Variants in KIAA1328 observed in about 807,000 individuals in gnomAD.
KIAA1328 encodes protein hinderin.
Under a neutral mutation model 68.1 loss-of-function variants are expected in KIAA1328, and 52 were observed. That is an observed-to-expected ratio of 0.76 (90% CI 0.61 to 0.96). The LOEUF (loss-of-function observed/expected upper bound fraction) is 0.96, where lower values mean the gene tolerates loss of function less well. KIAA1328 is among the 40% of genes least tolerant of loss of function. KIAA1328 has a pLI of 0.00. For synonymous variants in KIAA1328, 232 were observed against 239.4 expected (o/e 0.97, Z 0.28); for missense variants, 641 against 677.6 (o/e 0.95, Z 0.60).
chr18:37,006,542 A>T (rs2053791082), intron 6 of KIAA1328, among the ~76,000 whole-genome samples: 1 of 151,866 alleles, frequency 6.6e-6, no homozygotes, highest in South Asian at 2.1e-4. Flanking sequence ...TTTTATTATT[A>T]TACTTTAAGT....
At chr18:37,022,918 T>C (rs1345346474) in intron 6 of KIAA1328, among the ~76,000 whole-genome samples, 2 of 152,156 alleles carry the variant, frequency 1.3e-5, no homozygotes, top group African/African-American at 4.8e-5. Context: ...CTCAGGAAAA[T>C]AATTTGAGTA....
At chr18:37,117,689 C>G (rs1006015170) in intron 7 of KIAA1328, among the ~76,000 whole-genome samples, 1 of 152,016 alleles carries the variant, frequency 6.6e-6, no homozygotes, top group African/African-American at 2.4e-5. Context: ...GATGATACAA[C>G]TATCCTGTAT....
Position 37,223,452 on chromosome 18 carries a change from G to A in KIAA1328, c.*1225G>A. The A allele has an allele frequency of 1.0e-6, 1 of 985,424 alleles. No individual in the cohort carries two copies. The highest frequency in any genetic ancestry group is 1.2e-6 in the Non-Finnish European group (1 of 829,946). The allele number at this position is 985,424 out of a possible 1,614,324, so 61.0% of individuals were successfully genotyped here. On this transcript the variant is annotated 3_prime_UTR_variant, in exon 10 of 10. Coordinates refer to ENST00000280020, the MANE Select transcript of KIAA1328 (RefSeq NM_020776.3). ...AGTAGCCTCTCAAGCTAATGGGGAT[G>A]ATGATCCTGGTTTAGCCAGAGTTCA...
chr18:37,173,013 TA>T lies in KIAA1328; in HGVS notation c.1456del (p.Met486CysfsTer6). 1 of 1,613,740 alleles carries T rather than the reference TA, an allele frequency of 6.2e-7. No individual in the cohort carries two copies. Among genetic ancestry groups the T allele is most frequent in the South Asian group, 1.1e-5 (1 of 91,068 alleles). ...TTAGAAAAGATGCGTCTACATCTCCTATGCCAACAGGAAGCCTAAAGGATTT... is the reference window on the plus strand; with the variant it reads ...TTAGAAAAGATGCGTCTACATCTCCTTGCCAACAGGAAGCCTAAAGGATTT... Reference protein sequence around the residue: ...GVRKDASTSPMPTGSLKDFVT... With the variant: ...GVRKDASTSPXPTGSLKDFVT... On this transcript the variant is annotated frameshift_variant, in exon 9 of 10. Transcript: ENST00000280020. LOFTEE classifies it high-confidence loss of function.
chr18:37,204,143 T>G (rs2060170539), intron 9 of KIAA1328, among the ~76,000 whole-genome samples: 1 of 152,124 alleles, frequency 6.6e-6, no homozygotes, highest in South Asian at 2.1e-4. Context: ...CTTTAAGACA[T>G]AAGCTCACAG....
At chr18:37,192,861 G>A (rs2059932009) in intron 9 of KIAA1328, among the ~76,000 whole-genome samples, 1 of 152,204 alleles carries the variant, frequency 6.6e-6, no homozygotes, top group Non-Finnish European at 1.5e-5. Flanking sequence ...GTACAGGCAT[G>A]GGGATCAAAG....
At chr18:36,907,020 C>T (rs1039978869) in intron 5 of KIAA1328, among the ~76,000 whole-genome samples, 1 of 152,060 alleles carries the variant, frequency 6.6e-6, no homozygotes, top group Admixed American at 6.6e-5. Flanking sequence ...TTTCTGCTTG[C>T]AGACCGTACG....
At chr18:37,216,979 G>GTTTTTTTTTTTTT (rs1480974787) in intron 9 of KIAA1328, among the ~76,000 whole-genome samples, 1 of 71,064 alleles carries the variant, frequency 1.4e-5, no homozygotes, top group African/African-American at 5.6e-5. Flanking sequence ...CTTTTTTTTT[G>GTTTTTTTTTTTTT]TTTTTTTTTT....
intron 7 of KIAA1328, among the ~76,000 whole-genome samples, chr18:37,130,966 TTAA>T (rs1448669128): frequency 2.0e-5 from 3 of 152,190 alleles, no homozygotes; most frequent in Non-Finnish European, 4.4e-5. Context: ...TATTGGGTAA[TTAA>T]TAATATGAAT....
At chr18:36,974,085 T>C (rs2052363417) in intron 6 of KIAA1328, among the ~76,000 whole-genome samples, 1 of 152,198 alleles carries the variant, frequency 6.6e-6, no homozygotes, top group East Asian at 1.9e-4. Flanking sequence ...GGTCACCTTT[T>C]TTGGAATCAG....
At chr18:36,984,668 G>T (rs915046402) in intron 6 of KIAA1328, among the ~76,000 whole-genome samples, 1 of 152,100 alleles carries the variant, frequency 6.6e-6, no homozygotes, top group Admixed American at 6.5e-5. Flanking sequence ...AGAACTTTGG[G>T]AGGCTGAGAC....
intron 7 of KIAA1328, among the ~76,000 whole-genome samples, chr18:37,158,894 G>A (rs945455834): frequency 1.3e-5 from 2 of 151,984 alleles, no homozygotes; most frequent in Non-Finnish European, 2.9e-5. Context: ...ATTTGCCTGG[G>A]TTTGGGGCCT....
In KIAA1328 at chr18:36,907,925, C is replaced by T. The variant is rs1004315490; in HGVS notation, c.448+22253C>T. Reference sequence around the variant, plus strand: ...ATGGAAGCATTTTTAACTACAAATTCGATTTCTTACAGGCCTTGTATGGAT... The same window carrying T: ...ATGGAAGCATTTTTAACTACAAATTTGATTTCTTACAGGCCTTGTATGGAT... On this transcript the variant is annotated intron_variant, in intron 5 of 9. Transcript: ENST00000280020. 6.6e-5 allele frequency among the ~76,000 whole-genome samples: 10 copies of T among 152,188 alleles called. No homozygotes were observed. In the South Asian group the frequency reaches 1.2e-3, roughly 19 times the overall value.
At chr18:37,093,008 C>T (rs566101456) in intron 7 of KIAA1328, among the ~76,000 whole-genome samples, 2 of 152,174 alleles carry the variant, frequency 1.3e-5, no homozygotes, top group Non-Finnish European at 2.9e-5. Context: ...CAGACAACCA[C>T]AGCCTAAGCC....
chr18:36,987,491 A>AAAT (rs1568256859), intron 6 of KIAA1328, among the ~76,000 whole-genome samples: 7 of 75,326 alleles, frequency 9.3e-5, no homozygotes, highest in African/African-American at 2.1e-4. Flanking sequence ...ATAATAAAAA[A>AAAT]AAATAAATAA....
downstream of KIAA1328, chr18:37,230,489 T>G (rs2060659601): frequency 6.6e-6 from 1 of 152,240 alleles, no homozygotes; most frequent in Non-Finnish European, 1.5e-5. Flanking sequence ...TGTTTACTTT[T>G]CTGATTTCTC....
rs1262119229 is a variant in KIAA1328, at chr18:37,136,872, G to A, written c.1233-23328G>A. Among the ~76,000 whole-genome samples the A allele has an allele frequency of 9.2e-5, 14 of 152,122 alleles. 1 individual carries two copies. Among genetic ancestry groups the A allele is most frequent in the Admixed American group, 9.2e-4 (14 of 15,276 alleles). On this transcript the variant is annotated intron_variant, in intron 7 of 9. Transcript: ENST00000280020. ...TTGAAGGTCATACAGAAATTCTCAAGGTCTTTGTAGGATTTGAGCAATAGA... is the reference window on the plus strand; with the variant it reads ...TTGAAGGTCATACAGAAATTCTCAAAGTCTTTGTAGGATTTGAGCAATAGA...
chr18:36,866,024 C>T (rs1039531820), intron 4 of KIAA1328, among the ~76,000 whole-genome samples: 13 of 152,172 alleles, frequency 8.5e-5, no homozygotes, highest in African/African-American at 1.4e-4. Context: ...GGGGCTGCCC[C>T]GCTGAGTATA....
chr18:37,168,319 T>G (rs2059430773), intron 8 of KIAA1328, among the ~76,000 whole-genome samples: 1 of 152,330 alleles, frequency 6.6e-6, no homozygotes, highest in South Asian at 2.1e-4. Context: ...CTTTCCACCT[T>G]ACCACACGTA....
Sources: gnomAD v4.1 joint callset for allele counts (sites outside exome capture counted in the v4.1 genomes callset) on GRCh38, gnomAD v4.1.1 for gene constraint, MANE v1.5 for transcripts, NCBI Gene and HGNC (gene_info 2026-07-23, HGNC 2026-07-21) for gene names.